GPRC5C: variants seen among roughly 807,000 people sequenced by gnomAD.
GPRC5C encodes G protein-coupled receptor family C group 5 member C.
GPRC5C carries 22 observed loss-of-function variants against 31.4 expected under a neutral mutation model. The observed-to-expected ratio is 0.70, with a 90% CI of 0.50 to 1.00. The LOEUF (loss-of-function observed/expected upper bound fraction) is 1.00. Ranked by LOEUF, GPRC5C falls within the 50% of genes least tolerant of loss-of-function variation. The pLI is 0.00. For missense variants in GPRC5C, 557 were observed against 597.2 expected, an observed-to-expected ratio of 0.93 and a Z score of 0.70; for synonymous variants, 249 against 257.5, an observed-to-expected ratio of 0.97 and a Z score of 0.32.
At chr17:74,442,916 T>C (rs1330198110) in intron 2 of GPRC5C, among the ~76,000 whole-genome samples, 2 of 151,200 alleles carry the variant, frequency 1.3e-5, no homozygotes, top group Admixed American at 6.6e-5. Flanking sequence ...GCCCCCACAC[T>C]GAATGCCGGT....
intron 3 of GPRC5C, among the ~76,000 whole-genome samples, chr17:74,444,296 G>A (rs144421009): frequency 6.6e-6 from 1 of 152,210 alleles, no homozygotes; most frequent in East Asian, 1.9e-4. Context: ...AATAGACAGG[G>A]GTCCAAATGT....
chr17:74,449,836 GTC>G (rs2055695827), downstream of GPRC5C: 1 of 156,692 alleles, frequency 6.4e-6, no homozygotes, highest in African/African-American at 2.4e-5. Context: ...TCCTCCATGA[GTC>G]TTTGGAGCCA....
chr17:74,442,336 C>T (rs1453448273), intron 2 of GPRC5C, among the ~76,000 whole-genome samples: 5 of 152,136 alleles, frequency 3.3e-5, no homozygotes, highest in Non-Finnish European at 7.3e-5. Flanking sequence ...TTTGGGGTGC[C>T]GTGTAGTGGT....
At position 74,447,376 on chromosome 17, in the gene GPRC5C, T is replaced by G; in HGVS notation, c.*348T>G. On this transcript the variant is annotated 3_prime_UTR_variant, in exon 4 of 4. Transcript: ENST00000392627. ...CTTCCCAGGCGCTCAGGCCTGGATC[T>G]TGCTCCTCTGTGAGGAACAAGGGTG... 9.5e-7 allele frequency: 1 copy of G among 1,048,352 alleles called. No individual in the cohort carries two copies. The allele number at this position is 1,048,352 out of a possible 1,614,324, so 64.9% of individuals were successfully genotyped here.
At position 74,447,181 on chromosome 17, in the gene GPRC5C, T is replaced by G; in HGVS notation, c.*153T>G. The G allele has an allele frequency of 7.1e-7, 1 of 1,414,506 alleles. No homozygotes were observed. The highest frequency in any genetic ancestry group is 1.5e-5 in the South Asian group (1 of 65,148). 87.6% of individuals were successfully genotyped at this position (1,414,506 alleles called of 1,614,324 possible). A position where few individuals can be genotyped will look rare whatever the true frequency, so the allele number is the denominator to read the frequency against. The stretch of plus-strand genomic sequence containing the variant: ...GCCTCCCTCTCTGCCAGTGTTTGGG[T>G]GGGTGTCATGGGTGTCCCCACCCAC... On this transcript the variant is annotated 3_prime_UTR_variant, in exon 4 of 4. Coordinates refer to ENST00000392627, the MANE Select transcript of GPRC5C (RefSeq NM_022036.4).
rs1015798502 is a variant in GPRC5C at position 74,439,886 on chromosome 17, C to G, written c.110C>G (p.Pro37Arg). 6 of 1,613,092 alleles carry G rather than the reference C, an allele frequency of 3.7e-6. No individual in the cohort carries two copies. The highest frequency in any genetic ancestry group is 5.1e-6 in the Non-Finnish European group (6 of 1,180,032). Residue 37 changes from proline to arginine, a missense_variant, in exon 2 of 4, where the codon CCC becomes CGC. Transcript: ENST00000392627. ...CCCGGCTGCAGCCAAGGCCTCAACC[C>G]CCTGTACTACAACCTGTGTGACCGC... ...VPPGCSQGLN[P>R]LYYNLCDRSG...
chr17:74,450,809 G>GT (rs1176408987), downstream of GPRC5C: 1 of 152,188 alleles, frequency 6.6e-6, no homozygotes, highest in Non-Finnish European at 1.5e-5. Context: ...TCTTCCTGAG[G>GT]TTTTTCCTGC....
intron 1 of GPRC5C, among the ~76,000 whole-genome samples, chr17:74,436,018 C>G (rs2055427051): frequency 1.3e-5 from 2 of 152,164 alleles, no homozygotes; most frequent in African/African-American, 4.8e-5. Flanking sequence ...AAATCGATTG[C>G]CTGTGCATTT....
chr17:74,449,025 G>C, downstream of GPRC5C: 1 of 565,822 alleles, frequency 1.8e-6, no homozygotes, highest in East Asian at 6.9e-5. Flanking sequence ...GCCGGCCCCG[G>C]GGAGCCTGCT....
chr17:74,443,702 T>C (rs564645417), intron 2 of GPRC5C, 116 bp from the exon 3 acceptor site: 155 of 846,884 alleles, frequency 1.8e-4, no homozygotes, highest in Admixed American at 3.5e-4. Flanking sequence ...ATGCCAGGGT[T>C]GGCCTGCCCC....
chr17:74,449,316 TTCTTTCTGGTCACTTTAGGC>T, downstream of GPRC5C: 2 of 1,295,932 alleles, frequency 1.5e-6, no homozygotes, highest in Non-Finnish European at 2.0e-6. Flanking sequence ...TTGACTCTTG[TTCTTTCTGGTCACTTTAGGC>T]TCAGTCCCCA....
At chr17:74,441,914 T>C (rs2144429550) in intron 2 of GPRC5C, among the ~76,000 whole-genome samples, 1 of 152,388 alleles carries the variant, frequency 6.6e-6, no homozygotes, top group East Asian at 1.9e-4. Context: ...TTACTAATAC[T>C]ATCCTTCCAG....
rs144145052 is a variant in GPRC5C at position 74,440,550 on chromosome 17, G to A, written c.774G>A (p.Val258=). 5.0e-6 allele frequency: 8 copies of A among 1,614,100 alleles called. No individual in the cohort carries two copies. The African/African-American group carries it at 8.0e-5, about 16-fold the overall frequency. Residue 258 remains valine (V), a synonymous_variant, in exon 2 of 4, where the codon GTG becomes GTA. Transcript: ENST00000392627. This position sits in a 1 kb window ranked among gnomAD's most constrained non-coding sequence, Gnocchi z 4.4. ...CCACCTCCGTTGCCATATGGGTGGT[G>A]TGGATCGTCATGTATACTTACGGCA... is the stretch of plus-strand genomic sequence containing the variant. ...TTATSVAIWV[V]WIVMYTYGNK... is the part of the protein sequence containing the mutation.
At chr17:74,451,521 G>A (rs2055713226), downstream of GPRC5C, 1 of 152,172 alleles carries the variant, frequency 6.6e-6, no homozygotes, top group Non-Finnish European at 1.5e-5. Context: ...GGCAGAGCCT[G>A]TCACAGGTTC....
chr17:74,433,762 G>A (rs750304963), intron 1 of GPRC5C: 1 of 1,610,502 alleles, frequency 6.2e-7, no homozygotes, highest in Non-Finnish European at 8.5e-7. Context: ...CCATGGGTCA[G>A]TGTTGAGTTT....
rs1598424760 is a variant in GPRC5C at position 74,432,641 on chromosome 17, A to G, written c.-33+500A>G. The G allele has an allele frequency of 1.0e-5, 4 of 383,688 alleles. No homozygotes were observed. In the African/African-American group the frequency reaches 1.1e-4, roughly 10 times the overall value. The allele number at this position is 383,688 out of a possible 1,614,324, so 23.8% of individuals were successfully genotyped here. A position where few individuals can be genotyped will look rare whatever the true frequency, so the allele number is the denominator to read the frequency against. On this transcript the variant is annotated intron_variant, in intron 1 of 3. Coordinates refer to ENST00000392627, the MANE Select transcript of GPRC5C (RefSeq NM_022036.4). ...CCTGCGGGCTGGGGACGCCGCGCCAACTCCGCTCGGTCGCTGAAAGTTTTC... is the reference window on the plus strand; with the variant it reads ...CCTGCGGGCTGGGGACGCCGCGCCAGCTCCGCTCGGTCGCTGAAAGTTTTC...
intron 1 of GPRC5C, among the ~76,000 whole-genome samples, chr17:74,432,742 C>T (rs1432001648): frequency 6.6e-6 from 1 of 151,876 alleles, no homozygotes; most frequent in Non-Finnish European, 1.5e-5. Flanking sequence ...GGGGAAACCA[C>T]TCCATAATCG....
At chr17:74,441,032 T>C (rs951245709) in intron 2 of GPRC5C, among the ~76,000 whole-genome samples, 6 of 152,084 alleles carry the variant, frequency 3.9e-5, no homozygotes, top group Non-Finnish European at 5.9e-5. Flanking sequence ...CCTAGCACTT[T>C]GGGAGGCCAA....
chr17:74,436,429 T>C (rs1033264317), intron 1 of GPRC5C, among the ~76,000 whole-genome samples: 18 of 152,316 alleles, frequency 1.2e-4, no homozygotes, highest in African/African-American at 4.3e-4. Flanking sequence ...ACAGTCTTTC[T>C]CTACTCTGCC....
Sources: gnomAD v4.1 joint callset for allele counts (sites outside exome capture counted in the v4.1 genomes callset) on GRCh38, gnomAD v4.1.1 for gene constraint, Gnocchi (gnomAD v3.1) non-coding constraint, MANE v1.5 for transcripts, NCBI Gene and HGNC (gene_info 2026-07-23, HGNC 2026-07-21) for gene names.